The following TNKS variants were observed in gnomAD, a reference collection of about 807,000 sequenced individuals.
TNKS encodes the protein poly [ADP-ribose] polymerase tankyrase-1.
Under a neutral mutation model 135.8 loss-of-function variants are expected in TNKS, and 72 were observed. That is an observed-to-expected ratio of 0.53 (90% CI 0.44 to 0.64). TNKS has a LOEUF of 0.64. Among genes scored for constraint, TNKS ranks in the 30% least tolerant of loss-of-function variants. TNKS has a pLI of 0.00. For synonymous variants in TNKS, 849 were observed against 649.3 expected (o/e 1.31, Z -4.68); for missense variants, 1,769 against 1,674.0 (o/e 1.06, Z -0.99).
chr8:9,707,591 C>T (rs1197067827), intron 8 of TNKS, among the ~76,000 whole-genome samples: 5 of 152,154 alleles, frequency 3.3e-5, no homozygotes, highest in Non-Finnish European at 1.5e-5. Context: ...TTGAGGTCAT[C>T]TTCTGAATAT....
At chr8:9,770,867 G>A (rs995701149) in intron 26 of TNKS, among the ~76,000 whole-genome samples, 1 of 152,166 alleles carries the variant, frequency 6.6e-6, no homozygotes, top group Non-Finnish European at 1.5e-5. Flanking sequence ...GGGCAAAACA[G>A]TGAAACTCTT....
intron 2 of TNKS, among the ~76,000 whole-genome samples, chr8:9,599,448 G>T (rs1393464972): frequency 6.6e-6 from 1 of 152,190 alleles, no homozygotes; most frequent in African/African-American, 2.4e-5. Flanking sequence ...CAGTGGTGAA[G>T]TAACTTGCCC....
chr8:9,627,754 A>T (rs1000590464), intron 3 of TNKS, among the ~76,000 whole-genome samples: 2 of 152,194 alleles, frequency 1.3e-5, no homozygotes, highest in East Asian at 3.8e-4. Flanking sequence ...AAAAAAGAAA[A>T]ATACATGTGT....
intron 2 of TNKS, among the ~76,000 whole-genome samples, chr8:9,600,213 C>G (rs1188171730): frequency 2.0e-5 from 3 of 152,122 alleles, no homozygotes; most frequent in Admixed American, 6.5e-5. Flanking sequence ...CAGAAGCCAG[C>G]CTCTGAAGTA....
At chr8:9,749,801 G>C (rs1806425437) in intron 18 of TNKS, among the ~76,000 whole-genome samples, 1 of 152,070 alleles carries the variant, frequency 6.6e-6, no homozygotes, top group African/African-American at 2.4e-5. Flanking sequence ...TCTTGGCCAT[G>C]CCCTCTGAAT....
intron 3 of TNKS, among the ~76,000 whole-genome samples, chr8:9,631,601 A>G (rs1359802113): frequency 2.0e-5 from 3 of 152,188 alleles, no homozygotes; most frequent in East Asian, 3.8e-4. Context: ...GAATATAGGG[A>G]GATCATCTCA....
At position 9,604,791 on chromosome 8, in the gene TNKS, A is replaced by C. The variant is rs1366907291; in HGVS notation, c.899-10791A>C. Among the ~76,000 whole-genome samples, 13 of 151,012 alleles carry C rather than the reference A, an allele frequency of 8.6e-5. No individual in the cohort carries two copies. The East Asian group carries it at 2.5e-3, about 29-fold the overall frequency. On this transcript the variant is annotated intron_variant, in intron 2 of 26. Transcript: ENST00000310430. ...ATATATATATTTTATTTTTATTTTT[A>C]TTTTTTCTTTTCTTCTAAGACTAAT...
At chr8:9,557,706 A>C (rs1563375458) in intron 1 of TNKS, 2 of 151,210 alleles carry the variant, frequency 1.3e-5, no homozygotes, top group Non-Finnish European at 3.0e-5. Context: ...CTATATTTCT[A>C]ATATATATAT....
At chr8:9,632,535 A>C (rs1233899895) in intron 3 of TNKS, among the ~76,000 whole-genome samples, 2 of 152,086 alleles carry the variant, frequency 1.3e-5, no homozygotes, top group Non-Finnish European at 2.9e-5. Context: ...CTTTCCCATC[A>C]ATACTAGGTA....
In TNKS at chr8:9,704,760, A is replaced by G; in HGVS notation, c.1202+3A>G. 6.2e-7 allele frequency: 1 copy of G among 1,610,396 alleles called. No homozygotes were observed. Among genetic ancestry groups the G allele is most frequent in the South Asian group, 1.1e-5 (1 of 90,668 alleles). ...GATGTTCATGCAAAAGACAAAGGGT[A>G]GGTCTATCAGTTTACTTCCTGTCAG... On this transcript the variant is annotated splice_donor_region_variant and intron_variant, in intron 6 of 26. Transcript: ENST00000310430.
intron 3 of TNKS, among the ~76,000 whole-genome samples, chr8:9,655,407 C>T (rs1478985360): frequency 2.0e-5 from 3 of 152,196 alleles, no homozygotes; most frequent in African/African-American, 7.2e-5. Context: ...GTTCTCCCAG[C>T]ACGCAGCTTG....
Position 9,616,715 on chromosome 8 carries a change from C to G in TNKS, c.994+1038C>G, listed in dbSNP as rs188648712. On this transcript the variant is annotated intron_variant, in intron 3 of 26. Coordinates refer to ENST00000310430, the MANE Select transcript of TNKS (RefSeq NM_003747.3). The stretch of plus-strand genomic sequence containing the variant: ...TGCTAAAATCAATATAATTATTGCT[C>G]AGAGTAATATGACTTTTCTCAATCA... Among the ~76,000 whole-genome samples, 87 of 152,202 alleles carry G rather than the reference C, an allele frequency of 5.7e-4. 1 individual carries two copies. In the East Asian group the frequency reaches 0.015, roughly 27 times the overall value.
intron 3 of TNKS, among the ~76,000 whole-genome samples, chr8:9,644,118 G>A (rs893438159): frequency 1.3e-5 from 2 of 152,122 alleles, no homozygotes; most frequent in Admixed American, 6.6e-5. Flanking sequence ...CCTGAAGAGA[G>A]GGGGGAATGG....
chr8:9,557,569 A>G (rs1815378299), intron 1 of TNKS: 1 of 152,162 alleles, frequency 6.6e-6, no homozygotes. Flanking sequence ...TACATTAGAA[A>G]CATTATATTG....
chr8:9,658,194 C>T (rs1443018212), intron 3 of TNKS: 11 of 255,036 alleles, frequency 4.3e-5, no homozygotes, highest in African/African-American at 1.1e-4. Context: ...ACATCCCAGA[C>T]GATGGGCGGC....
Position 9,780,416 on chromosome 8 carries a change from G to C in TNKS, c.*3680G>C, listed in dbSNP as rs1808408698. ...GGCAGGTATTCAAAACTGCCATTAA[G>C]ATAGGATTTCATGTCAGATACGTAT... On this transcript the variant is annotated 3_prime_UTR_variant, in exon 27 of 27. Transcript: ENST00000310430. 6.6e-6 allele frequency: 1 copy of C among 152,202 alleles called. No individual in the cohort carries two copies. Among genetic ancestry groups the C allele is most frequent in the Non-Finnish European group, 1.5e-5 (1 of 68,038 alleles). 9.4% of individuals were successfully genotyped at this position (152,202 alleles called of 1,614,324 possible).
intron 2 of TNKS, among the ~76,000 whole-genome samples, chr8:9,588,026 TTAAAATAATTA>T: frequency 6.6e-6 from 1 of 152,344 alleles, no homozygotes; most frequent in African/African-American, 2.4e-5. Context: ...GTAAGAATTC[TTAAAATAATTA>T]TAAAAAAGCA....
At chr8:9,734,292 A>G (rs1189033738) in intron 15 of TNKS, among the ~76,000 whole-genome samples, 1 of 152,146 alleles carries the variant, frequency 6.6e-6, no homozygotes, top group Non-Finnish European at 1.5e-5. Flanking sequence ...ATTGACTTCT[A>G]TTTACTTTAT....
chr8:9,579,280 G>A (rs1295866719), intron 1 of TNKS, among the ~76,000 whole-genome samples: 1 of 151,972 alleles, frequency 6.6e-6, no homozygotes, highest in Non-Finnish European at 1.5e-5. Context: ...ATTTCATATA[G>A]TTTGGCCACT....
Sources: allele counts gnomAD v4.1 joint callset (sites outside exome capture counted in the v4.1 genomes callset), GRCh38; gene constraint gnomAD v4.1.1; transcripts MANE v1.5; gene names NCBI Gene and HGNC (gene_info 2026-07-23, HGNC 2026-07-21).